Variants in PTAFR observed in about 807,000 individuals in gnomAD.
The protein encoded by PTAFR is platelet-activating factor receptor.
In PTAFR, 8 loss-of-function variants were observed where a neutral mutation model predicts 14.7. The observed-to-expected ratio is 0.54, with a 90% CI of 0.32 to 0.98. The LOEUF (loss-of-function observed/expected upper bound fraction) is 0.98. Ranked by LOEUF, PTAFR falls within the 50% of genes least tolerant of loss-of-function variation. PTAFR has a pLI of 0.04. For missense variants in PTAFR, 337 were observed against 451.2 expected (o/e 0.75, Z 2.29); for synonymous variants, 156 against 176.5 (o/e 0.88, Z 0.92).
At chr1:28,165,153 C>T (rs980252275) in intron 1 of PTAFR, among the ~76,000 whole-genome samples, 1 of 151,938 alleles carries the variant, frequency 6.6e-6, no homozygotes, top group Non-Finnish European at 1.5e-5. Context: ...TATAATAATC[C>T]CAGCACTCCG....
intron 1 of PTAFR, among the ~76,000 whole-genome samples, chr1:28,173,105 CAAA>C (rs68034962): frequency 6.0e-5 from 3 of 50,114 alleles, no homozygotes; most frequent in African/African-American, 6.4e-5. Flanking sequence ...CCCGTTTCCA[CAAA>C]AAAAAAAAAA....
At chr1:28,183,239 G>A (rs1053780776) in intron 1 of PTAFR, among the ~76,000 whole-genome samples, 1 of 152,110 alleles carries the variant, frequency 6.6e-6, no homozygotes. Context: ...AGCCTAGAAA[G>A]CTCTGTTAAA....
chr1:28,149,892 GC>G lies in PTAFR; in HGVS notation c.*100del. ...CCTCCAAATCTAATGGCCCACCAGT[GC>G]CCACAGAGGTGGTGCCCAGACCACA... is the stretch of plus-strand genomic sequence containing the variant. On this transcript the variant is annotated 3_prime_UTR_variant, in exon 2 of 2. Transcript: ENST00000373857. 7.0e-7 allele frequency: 1 copy of G among 1,423,776 alleles called. No homozygotes were observed. Among genetic ancestry groups the G allele is most frequent in the Non-Finnish European group, 9.5e-7 (1 of 1,053,070 alleles). The allele number at this position is 1,423,776 out of a possible 1,614,324, so 88.2% of individuals were successfully genotyped here.
chr1:28,168,965 G>C (rs113102486), intron 1 of PTAFR, among the ~76,000 whole-genome samples: 3 of 152,038 alleles, frequency 2.0e-5, no homozygotes, highest in Admixed American at 1.3e-4. Flanking sequence ...ACTGCGCCCA[G>C]CCAAGTTGAA....
intron 1 of PTAFR, among the ~76,000 whole-genome samples, chr1:28,174,596 G>A (rs1295882407): frequency 6.6e-6 from 1 of 152,176 alleles, no homozygotes; most frequent in African/African-American, 2.4e-5. Context: ...GGTGAACACA[G>A]TGTCAGGGGC....
chr1:28,185,748 C>T (rs58805706), intron 1 of PTAFR, among the ~76,000 whole-genome samples: 3,165 of 152,192 alleles, frequency 0.021, 79 homozygotes, highest in African/African-American at 0.062. Flanking sequence ...CTGTCATCTT[C>T]GCAGATAGTA....
chr1:28,189,155 A>G (rs888822142), intron 1 of PTAFR, among the ~76,000 whole-genome samples: 11 of 152,276 alleles, frequency 7.2e-5, no homozygotes, highest in Non-Finnish European at 1.5e-4. Context: ...ATAAAATAAT[A>G]AAAAATAATA....
chr1:28,178,716 C>A (rs946555333), upstream of PTAFR, among the ~76,000 whole-genome samples: 5 of 151,948 alleles, frequency 3.3e-5, no homozygotes, highest in African/African-American at 4.8e-5. Context: ...TACTCTCATG[C>A]GAAGATGCCC....
intron 1 of PTAFR, among the ~76,000 whole-genome samples, chr1:28,184,314 AAC>A (rs1333490822): frequency 6.6e-6 from 1 of 151,754 alleles, no homozygotes; most frequent in African/African-American, 2.4e-5. Flanking sequence ...GCTGGTCTTG[AAC>A]ACCTGACCTC....
rs781452503 is a variant in PTAFR, at chr1:28,149,722, C to T, written c.*271G>A. 63 of 415,278 alleles carry T rather than the reference C, an allele frequency of 1.5e-4. No homozygotes were observed. The highest frequency in any genetic ancestry group is 2.3e-4 in the Non-Finnish European group (53 of 231,244). 25.7% of individuals were successfully genotyped at this position (415,278 alleles called of 1,614,324 possible). On this transcript the variant is annotated 3_prime_UTR_variant, in exon 2 of 2. Transcript: ENST00000373857. ...CTGCACCTGGCCCTGACATTCCTTC[C>T]GGCCCCATAAGATTAAGGGACTCAG...
intron 1 of PTAFR, among the ~76,000 whole-genome samples, chr1:28,184,912 T>C (rs568922669): frequency 6.6e-6 from 1 of 152,148 alleles, no homozygotes; most frequent in South Asian, 2.1e-4. Flanking sequence ...AGTGCCGGGA[T>C]TACAGGCGTA....
intron 1 of PTAFR, among the ~76,000 whole-genome samples, chr1:28,192,125 A>G (rs967977700): frequency 3.9e-5 from 6 of 152,030 alleles, no homozygotes; most frequent in Non-Finnish European, 8.8e-5. Flanking sequence ...CTGGGACCAG[A>G]CTCACCTAAG....
At position 28,150,992 on chromosome 1, in the gene PTAFR, G is replaced by C. The variant is rs1390775494; in HGVS notation, c.30C>G (p.Asp10Glu). The C allele has an allele frequency of 6.2e-7, 1 of 1,602,986 alleles. No individual in the cohort carries two copies. Among genetic ancestry groups the C allele is most frequent in the South Asian group, 1.1e-5 (1 of 89,382 alleles). Residue 10 changes from aspartate (D) to glutamate (E), a missense_variant, in exon 2 of 2, where the codon GAC becomes GAG. Transcript: ENST00000373857. The surrounding 1 kb of genome is among the most constrained non-coding windows in gnomAD (Gnocchi z 6.3). Reference protein sequence around the residue: MEPHDSSHMDSEFRYTLFPI... With the variant: MEPHDSSHMESEFRYTLFPI... ...GGAAGAGAGTGTATCGGAACTCAGA[G>C]TCCATGTGGGAGGAGTCATGTGGCT... is the stretch of plus-strand genomic sequence containing the variant.
chr1:28,185,679 G>A (rs986367430), intron 1 of PTAFR, among the ~76,000 whole-genome samples: 1 of 150,494 alleles, frequency 6.6e-6, no homozygotes, highest in Non-Finnish European at 1.5e-5. Context: ...TTATTCTGTT[G>A]TAAAGACTAT....
At position 28,150,735 on chromosome 1, in the gene PTAFR, A is replaced by C; in HGVS notation, c.287T>G (p.Leu96Arg). ...PKFLCNVAGC[L>R]FFINTYCSVA... ...AGAGCAGTAGGTGTTGATGAAGAAAAGGCAGCCAGCCACGTTGCACAGGAA... is the reference window on the plus strand; with the variant it reads ...AGAGCAGTAGGTGTTGATGAAGAAACGGCAGCCAGCCACGTTGCACAGGAA... The change falls in exon 2 of 2, where the codon CTT becomes CGT. Residue 96 changes from leucine (L) to arginine (R), a missense_variant. By Grantham distance (102) the Leu-to-Arg change is moderately radical (BLOSUM62 -2). Transcript: ENST00000373857. This position sits in a 1 kb window ranked among gnomAD's most constrained non-coding sequence, Gnocchi z 6.3. The C allele has an allele frequency of 6.2e-7, 1 of 1,614,166 alleles. No individual in the cohort carries two copies.
At chr1:28,157,595 CTTTG>C (rs1330321576) in intron 1 of PTAFR, among the ~76,000 whole-genome samples, 5 of 150,586 alleles carry the variant, frequency 3.3e-5, no homozygotes, top group South Asian at 2.1e-4. Flanking sequence ...CATTTTGGTA[CTTTG>C]TTTATCATAA....
chr1:28,165,567 A>C (rs1646376543), intron 1 of PTAFR, among the ~76,000 whole-genome samples: 1 of 151,854 alleles, frequency 6.6e-6, no homozygotes, highest in African/African-American at 2.4e-5. Context: ...GCGGATCACG[A>C]GGTCAGGAGA....
chr1:28,164,354 C>T lies in PTAFR; in HGVS notation c.-39+12238G>A, dbSNP rs543283155. ...CCTGCACCAGCAGTTCCTTGCAGCC[C>T]CGCAGGCCTGAGGGTGCATTCACCA... On this transcript the variant is annotated intron_variant, in intron 1 of 1. Coordinates refer to ENST00000373857, the MANE Select transcript of PTAFR (RefSeq NM_000952.5). Among the ~76,000 whole-genome samples, 5 of 152,298 alleles carry T rather than the reference C, an allele frequency of 3.3e-5. 1 individual carries two copies. Among genetic ancestry groups the T allele is most frequent in the African/African-American group, 1.2e-4 (5 of 41,556 alleles).
Position 28,150,372 on chromosome 1 carries a change from G to C in PTAFR, c.650C>G (p.Pro217Arg). ...TTCAGCGTTGCGCTGCTGCTGCACC[G>C]GCTGCATGAGCAAGGTACGGATGAT... is the stretch of plus-strand genomic sequence containing the variant. The part of the protein sequence containing the change: ...LVIIRTLLMQ[P>R]VQQQRNAEVK... Residue 217 changes from proline (P) to arginine (R), a missense_variant, in exon 2 of 2, where the codon CCG becomes CGG. By Grantham distance (103) the Pro-to-Arg change is moderately radical. Transcript: ENST00000373857. The surrounding 1 kb of genome is among the most constrained non-coding windows in gnomAD (Gnocchi z 6.3). The C allele has an allele frequency of 3.7e-6, 6 of 1,613,970 alleles. No homozygotes were observed. Among genetic ancestry groups the C allele is most frequent in the Non-Finnish European group, 4.2e-6 (5 of 1,179,922 alleles).
Sources: allele counts gnomAD v4.1 joint callset (sites outside exome capture counted in the v4.1 genomes callset), GRCh38; gene constraint gnomAD v4.1.1; non-coding constraint Gnocchi (gnomAD v3.1); transcripts MANE v1.5; gene names NCBI Gene and HGNC (gene_info 2026-07-23, HGNC 2026-07-21).